The following WBP11 variants were observed in gnomAD, a reference collection of about 807,000 sequenced individuals.
WBP11 encodes WW domain binding protein 11, also known as WW domain-binding protein 11.
In WBP11, 12 loss-of-function variants were observed where a neutral mutation model predicts 66.7. The ratio of observed to expected loss-of-function variants is 0.18; its 90% confidence interval spans 0.12 to 0.29. The LOEUF is 0.29. Ranked by LOEUF, WBP11 falls within the 10% of genes least tolerant of loss-of-function variation. WBP11 has a pLI of 1.00. For missense variants in WBP11, 555 were observed against 818.3 expected (o/e 0.68, Z 3.93); for synonymous variants, 255 against 273.8 (o/e 0.93, Z 0.68).
chr12:14,801,762 C>T, intron 1 of WBP11: 1 of 172,482 alleles, frequency 5.8e-6, no homozygotes, highest in Non-Finnish European at 1.3e-5. Context: ...ATGGCACAAA[C>T]CATGAACATC....
chr12:14,789,250 A>G (rs1207209697), intron 10 of WBP11, 117 bp from the exon 11 acceptor site: 3 of 950,254 alleles, frequency 3.2e-6, no homozygotes, highest in Non-Finnish European at 4.5e-6. Context: ...TAACTTCAAG[A>G]AGTTAATGAA....
Position 14,789,022 on chromosome 12 carries a change from G to C in WBP11, c.1421C>G (p.Pro474Arg). 5 of 1,499,814 alleles carry C rather than the reference G, an allele frequency of 3.3e-6. No homozygotes were observed. Among genetic ancestry groups the C allele is most frequent in the Non-Finnish European group, 4.4e-6 (5 of 1,136,578 alleles). The allele number at this position is 1,499,814 out of a possible 1,614,324, so 92.9% of individuals were successfully genotyped here. The change falls in exon 11 of 12, where the codon CCA becomes CGA. Residue 474 changes from proline (P) to arginine (R), a missense_variant. Pro to Arg is a moderately radical substitution (Grantham distance 103). Around this residue, in one of 6 missense-constraint regions of WBP11, gnomAD observed 230 missense variants for 286.3 expected, o/e 0.80. Transcript: ENST00000261167. ...GGGACCAGGAGGCAGACCTGGAGGT[G>C]GACCTGGGGGAGGGCCAGGGGGTCG... The part of the protein sequence containing the change: ...PGRPPGPPPG[P>R]PPGLPPGPPP...
At position 14,799,532 on chromosome 12, in the gene WBP11, C is replaced by T. The variant is rs969365477; in HGVS notation, c.190+103G>A. The T allele has an allele frequency of 6.6e-6, 7 of 1,062,124 alleles. No homozygotes were observed. The Admixed American group carries it at 1.9e-4, about 28-fold the overall frequency. The allele number at this position is 1,062,124 out of a possible 1,614,324, so 65.8% of individuals were successfully genotyped here. ...AACATTAAATCCAAGCATCAAATGC[C>T]ATCATGCTGTTCTGTTTTACTTACG... On this transcript the variant is annotated intron_variant, in intron 4 of 11. Coordinates refer to ENST00000261167, the MANE Select transcript of WBP11 (RefSeq NM_016312.3).
intron 10 of WBP11, 113 bp downstream of exon 10, chr12:14,790,343 G>T: frequency 5.9e-6 from 8 of 1,353,682 alleles, no homozygotes; most frequent in Non-Finnish European, 8.1e-6. Context: ...CATCTTAAGA[G>T]AATCCAATTA....
chr12:14,790,334 A>G, intron 10 of WBP11, 122 bp downstream of exon 10: 1 of 1,304,574 alleles, frequency 7.7e-7, no homozygotes, highest in Non-Finnish European at 1.1e-6. Context: ...AATCCTTCAC[A>G]TCTTAAGAGA....
rs1368245992 is a variant in WBP11, at chr12:14,796,541, A to G, written c.387+266T>C. 2.6e-5 allele frequency among the ~76,000 whole-genome samples: 4 copies of G among 152,160 alleles called. No homozygotes were observed. The highest frequency in any genetic ancestry group is 7.2e-5 in the African/African-American group (3 of 41,432). On this transcript the variant is annotated intron_variant, in intron 5 of 11. Coordinates refer to ENST00000261167, the MANE Select transcript of WBP11 (RefSeq NM_016312.3). The surrounding 1 kb of genome is among the most constrained non-coding windows in gnomAD (Gnocchi z 4.5). The stretch of plus-strand genomic sequence containing the variant: ...GCCATGGTGGAAAAATCCACACCTG[A>G]CCTAATGTGATGGGTCGTAGTTTTG...
In WBP11 at chr12:14,803,421, A is replaced by G. The variant is rs547224741; in HGVS notation, c.-115T>C. The G allele has an allele frequency of 2.6e-4, 103 of 398,766 alleles. 2 individuals carry two copies. The highest frequency in any genetic ancestry group is 1.8e-3 in the African/African-American group (89 of 48,760). The allele number at this position is 398,766 out of a possible 1,614,324, so 24.7% of individuals were successfully genotyped here. On this transcript the variant is annotated 5_prime_UTR_variant, in exon 1 of 12. Transcript: ENST00000261167. ...ACTCCCGGCCTCTTTCACTTCGTAA[A>G]GGCCTTCAACTGGGTCTCTCGGTCA...
At chr12:14,789,301 A>G (rs917499172) in intron 10 of WBP11, among the ~76,000 whole-genome samples, 168 bp from the exon 11 acceptor site, 2 of 152,156 alleles carry the variant, frequency 1.3e-5, no homozygotes, top group East Asian at 1.9e-4. Flanking sequence ...ATATCTGAGT[A>G]CAGCCGGGCA....
Position 14,785,791 on chromosome 12 carries a change from C to G in WBP11, c.*1274G>C, listed in dbSNP as rs951727301. The stretch of plus-strand genomic sequence containing the variant: ...AACGTATGCCTAAACAATGCACGCA[C>G]TGTGTGTATGTGTTTATGAAATACA... On this transcript the variant is annotated 3_prime_UTR_variant, in exon 12 of 12. Coordinates refer to ENST00000261167, the MANE Select transcript of WBP11 (RefSeq NM_016312.3). 1.3e-5 allele frequency: 2 copies of G among 152,208 alleles called. No individual in the cohort carries two copies. The highest frequency in any genetic ancestry group is 2.9e-5 in the Non-Finnish European group (2 of 68,032). The allele number at this position is 152,208 out of a possible 1,614,324, so 9.4% of individuals were successfully genotyped here. A position where few individuals can be genotyped will look rare whatever the true frequency, so the allele number is the denominator to read the frequency against.
intron 6 of WBP11, 37 bp downstream of exon 6, chr12:14,794,934 T>G: frequency 1.2e-6 from 2 of 1,612,206 alleles, no homozygotes; most frequent in Non-Finnish European, 1.7e-6. Context: ...CTTGTGCCTT[T>G]ACTAAATGCT....
Position 14,803,426 on chromosome 12 carries a change from T to G in WBP11, c.-120A>C, listed in dbSNP as rs3177268. 0.16 allele frequency: 62,379 copies of G among 398,716 alleles called. 5,467 individuals are homozygous for G. Among genetic ancestry groups the G allele is most frequent in the Middle Eastern group, 0.2 (319 of 1,590 alleles). The allele number at this position is 398,716 out of a possible 1,614,324, so 24.7% of individuals were successfully genotyped here. A position where few individuals can be genotyped will look rare whatever the true frequency, so the allele number is the denominator to read the frequency against. ...CGGCCTCTTTCACTTCGTAAAGGCC[T>G]TCAACTGGGTCTCTCGGTCAACCCC... On this transcript the variant is annotated 5_prime_UTR_variant, in exon 1 of 12. Coordinates refer to ENST00000261167, the MANE Select transcript of WBP11 (RefSeq NM_016312.3).
At chr12:14,793,396 ACAT>A (rs1347131404) in intron 8 of WBP11, among the ~76,000 whole-genome samples, 1 of 152,192 alleles carries the variant, frequency 6.6e-6, no homozygotes, top group Non-Finnish European at 1.5e-5. Flanking sequence ...ATAAAATACA[ACAT>A]CAATGTTTTT....
In WBP11 at chr12:14,794,665, T is replaced by C. The variant is rs1565673484; in HGVS notation, c.593A>G (p.Lys198Arg). Reference protein sequence around the residue: ...HGVPRLPPGRKPPGPPPGPPP... With the variant: ...HGVPRLPPGRRPPGPPPGPPP... ...TGGACCAGGGGGAGGGCCAGGAGGT[T>C]TTCTGCCAGGGGGCAAACGTGGAAC... The change falls in exon 7 of 12, where the codon AAA becomes AGA. Residue 198 changes from lysine to arginine, a missense_variant. Coordinates refer to ENST00000261167, the MANE Select transcript of WBP11 (RefSeq NM_016312.3). 1.7e-5 allele frequency: 27 copies of C among 1,612,564 alleles called. No homozygotes were observed. Among genetic ancestry groups the C allele is most frequent in the Non-Finnish European group, 2.3e-5 (27 of 1,179,150 alleles).
chr12:14,793,879 A>T lies in WBP11; in HGVS notation c.765T>A (p.Asp255Glu). ...HDDDVSSTSE[D>E]DGYPEDMDQD... ...GATCCATGTCCTCAGGATAGCCATC[A>T]TCTTCACTGGTGCTAGAAACATCAT... The change falls in exon 8 of 12, where the codon GAT becomes GAA. Residue 255 changes from aspartate to glutamate, a missense_variant. By Grantham distance (45) the Asp-to-Glu change is conservative. This residue lies in a region of WBP11 where 220 missense variants were observed against 268.2 expected (regional missense o/e 0.82). Coordinates refer to ENST00000261167, the MANE Select transcript of WBP11 (RefSeq NM_016312.3). 1.9e-6 allele frequency: 3 copies of T among 1,613,582 alleles called. No individual in the cohort carries two copies. Among genetic ancestry groups the T allele is most frequent in the Non-Finnish European group, 2.5e-6 (3 of 1,179,722 alleles).
At position 14,796,066 on chromosome 12, in the gene WBP11, A is replaced by AT. The variant is rs546712984; in HGVS notation, c.387+740dup. ...CATCCCCCAAGGCAACCACGGCTAC[A>AT]TTTTTTTTTCCTGCACAGATTATCT... On this transcript the variant is annotated intron_variant, in intron 5 of 11. Coordinates refer to ENST00000261167, the MANE Select transcript of WBP11 (RefSeq NM_016312.3). This position sits in a 1 kb window ranked among gnomAD's most constrained non-coding sequence, Gnocchi z 4.5. Among the ~76,000 whole-genome samples the AT allele has an allele frequency of 4.6e-5, 7 of 151,590 alleles. No individual in the cohort carries two copies. The highest frequency in any genetic ancestry group is 2.1e-4 in the South Asian group (1 of 4,780).
chr12:14,796,810 G>A lies in WBP11; in HGVS notation c.384C>T (p.Val128=), dbSNP rs756349031. 1.3e-6 allele frequency: 2 copies of A among 1,584,378 alleles called. No homozygotes were observed. The highest frequency in any genetic ancestry group is 1.7e-6 in the Non-Finnish European group (2 of 1,171,564). ...TCAAAAAAAAAACCTTGATTACCTT[G>A]ACAGCATCAAAATATTGGCTAAGTT... The part of the protein sequence containing the change: ...RAQLSQYFDA[V]KNAQHVEVES... The change falls in exon 5 of 12, where the codon GTC becomes GTT. Residue 128 remains valine, a synonymous_variant. Transcript: ENST00000261167. The surrounding 1 kb of genome is among the most constrained non-coding windows in gnomAD (Gnocchi z 4.5).
intron 5 of WBP11, among the ~76,000 whole-genome samples, chr12:14,795,970 G>A (rs1304460899): frequency 1.3e-5 from 2 of 151,902 alleles, no homozygotes; most frequent in East Asian, 1.9e-4. Context: ...TAAAATTTAC[G>A]AAATTTACAA....
At chr12:14,787,598 G>A (rs1439817627) in intron 11 of WBP11, 100 bp from the exon 12 acceptor site, 2 of 1,078,078 alleles carry the variant, frequency 1.9e-6, no homozygotes, top group East Asian at 3.1e-5. Context: ...TTAAATAAAT[G>A]GATAACAACT....
In WBP11 at chr12:14,796,898, T is replaced by A; in HGVS notation, c.296A>T (p.Glu99Val). 6.2e-7 allele frequency: 1 copy of A among 1,613,044 alleles called. No individual in the cohort carries two copies. Among genetic ancestry groups the A allele is most frequent in the Non-Finnish European group, 8.5e-7 (1 of 1,179,622 alleles). The change falls in exon 5 of 12, where the codon GAG (glutamate) becomes GTG (valine). Residue 99 changes from glutamate to valine, a missense_variant. Around this residue, in one of 6 missense-constraint regions of WBP11, gnomAD observed 43 missense variants for 142.1 expected, o/e 0.30. Coordinates refer to ENST00000261167, the MANE Select transcript of WBP11 (RefSeq NM_016312.3). The surrounding 1 kb of genome is among the most constrained non-coding windows in gnomAD (Gnocchi z 4.5). Reference protein sequence around the residue: ...FERILRLYEKENPDIYKELRK... With the variant: ...FERILRLYEKVNPDIYKELRK... ...CAATTCTTTGTAAATATCTGGATTC[T>A]CTTTTTCATAGAGTCGTAGAATACG... is the stretch of plus-strand genomic sequence containing the variant.
Sources: gnomAD v4.1 joint callset for allele counts (sites outside exome capture counted in the v4.1 genomes callset) on GRCh38, gnomAD v4.1.1 for gene constraint, gnomAD v4.1.1 regional missense constraint, Gnocchi (gnomAD v3.1) non-coding constraint, MANE v1.5 for transcripts, NCBI Gene and HGNC (gene_info 2026-07-23, HGNC 2026-07-21) for gene names.